The following WDR86 variants were observed in gnomAD, a reference collection of about 807,000 sequenced individuals.
WDR86 encodes the protein WD repeat-containing protein 86.
Under a neutral mutation model 36.5 loss-of-function variants are expected in WDR86, and 30 were observed. The ratio of observed to expected loss-of-function variants is 0.82; its 90% CI spans 0.61 to 1.11. The LOEUF (loss-of-function observed/expected upper bound fraction) is 1.11. Among genes scored for constraint, WDR86 ranks in the 50% most tolerant of loss-of-function variants. The pLI is 0.00. For synonymous variants in WDR86, 255 were observed against 252.9 expected (o/e 1.01, Z -0.08); for missense variants, 545 against 561.2 (o/e 0.97, Z 0.29).
chr7:151,391,825 G>A (rs1176230600), intron 3 of WDR86, among the ~76,000 whole-genome samples: 4 of 150,816 alleles, frequency 2.7e-5, no homozygotes, highest in Non-Finnish European at 5.9e-5. Context: ...CAAGTACAGG[G>A]GTGCGCCTCC....
Position 151,409,499 on chromosome 7 carries a change from G to C in WDR86, c.91C>G (p.Leu31Val). 6.5e-7 allele frequency: 1 copy of C among 1,533,500 alleles called. No individual in the cohort carries two copies. The highest frequency in any genetic ancestry group is 8.7e-7 in the Non-Finnish European group (1 of 1,145,956). 95.0% of individuals were successfully genotyped at this position (1,533,500 alleles called of 1,614,324 possible). The change falls in exon 1 of 6, where the codon CTG becomes GTG. Residue 31 changes from leucine to valine, a missense_variant. Coordinates refer to ENST00000334493, the MANE Select transcript of WDR86 (RefSeq NM_198285.3). This position sits in a 1 kb window ranked among gnomAD's most constrained non-coding sequence, Gnocchi z 5.2. ...GCCGTGCCGTCCTCGCTGCCCGTCA[G>C]CAGGCGCTGCCCGTCGGGGCTCAGG... Reference protein sequence around the residue: ...LSLSPDGQRLLTGSEDGTARL... With the variant: ...LSLSPDGQRLVTGSEDGTARL...
downstream of WDR86, among the ~76,000 whole-genome samples, chr7:151,371,824 A>G (rs979939518): frequency 2.0e-5 from 3 of 152,062 alleles, no homozygotes; most frequent in African/African-American, 7.2e-5. Flanking sequence ...GCTCACTGCA[A>G]CCTTGATCTC....
At position 151,409,331 on chromosome 7, in the gene WDR86, T is replaced by C; in HGVS notation, c.163+96A>G. ...GTGCCGGGATGAGCGGGGGCTGGACTTCTAGAAAGGGGTCTGCGGGCGCAG... is the reference window on the plus strand; with the variant it reads ...GTGCCGGGATGAGCGGGGGCTGGACCTCTAGAAAGGGGTCTGCGGGCGCAG... On this transcript the variant is annotated intron_variant, in intron 1 of 5. Transcript: ENST00000334493. This position sits in a 1 kb window ranked among gnomAD's most constrained non-coding sequence, Gnocchi z 5.2. 1 of 1,514,624 alleles carries C rather than the reference T, an allele frequency of 6.6e-7. No homozygotes were observed. Among genetic ancestry groups the C allele is most frequent in the South Asian group, 1.2e-5 (1 of 82,016 alleles). The allele number at this position is 1,514,624 out of a possible 1,614,324, so 93.8% of individuals were successfully genotyped here.
At chr7:151,386,061 C>G (rs1798957905) in intron 3 of WDR86, among the ~76,000 whole-genome samples, 1 of 152,114 alleles carries the variant, frequency 6.6e-6, no homozygotes, top group Admixed American at 6.5e-5. Context: ...GCTTCATGCC[C>G]CAGAGAGGCC....
chr7:151,385,309 G>T (rs758827946), intron 3 of WDR86, 86 bp from the exon 4 acceptor site: 6 of 1,571,856 alleles, frequency 3.8e-6, no homozygotes, highest in Admixed American at 1.7e-5. Context: ...GAAGGGGCAT[G>T]TGCAGGTCTC....
chr7:151,403,725 G>T (rs1800507111), intron 1 of WDR86, among the ~76,000 whole-genome samples: 1 of 152,224 alleles, frequency 6.6e-6, no homozygotes, highest in Admixed American at 6.5e-5. Flanking sequence ...CAAAACGCAG[G>T]CTAGATTTTT....
downstream of WDR86, chr7:151,376,546 T>G: frequency 1.6e-6 from 2 of 1,285,294 alleles, no homozygotes; most frequent in Non-Finnish European, 2.1e-6. Flanking sequence ...CTCTTAAACA[T>G]GAGAGTCGGC....
At chr7:151,402,675 G>A (rs1563065410) in intron 1 of WDR86, among the ~76,000 whole-genome samples, 1 of 152,200 alleles carries the variant, frequency 6.6e-6, no homozygotes, top group Non-Finnish European at 1.5e-5. Flanking sequence ...GACTGATGAG[G>A]CCGGGATGTG....
rs1013238018 is a variant in WDR86 at position 151,406,819 on chromosome 7, C to A, written c.163+2608G>T. 3.3e-5 allele frequency among the ~76,000 whole-genome samples: 5 copies of A among 152,178 alleles called. No individual in the cohort carries two copies. The highest frequency in any genetic ancestry group is 5.9e-5 in the Non-Finnish European group (4 of 68,036). ...CTCTGTGAACTGGTGTCAATCCCAC[C>A]CACCTCAGAGTTGTGAGGATTCATT... is the stretch of plus-strand genomic sequence containing the variant. On this transcript the variant is annotated intron_variant, in intron 1 of 5. Transcript: ENST00000334493. The surrounding 1 kb of genome is among the most constrained non-coding windows in gnomAD (Gnocchi z 4.4).
chr7:151,409,923 T>C lies in WDR86; in HGVS notation c.-334A>G. 9.2e-7 allele frequency: 1 copy of C among 1,083,446 alleles called. No individual in the cohort carries two copies. The highest frequency in any genetic ancestry group is 1.1e-6 in the Non-Finnish European group (1 of 893,598). 67.1% of individuals were successfully genotyped at this position (1,083,446 alleles called of 1,614,324 possible). On this transcript the variant is annotated 5_prime_UTR_variant, in exon 1 of 6. Coordinates refer to ENST00000334493, the MANE Select transcript of WDR86 (RefSeq NM_198285.3). The surrounding 1 kb of genome is among the most constrained non-coding windows in gnomAD (Gnocchi z 5.2). The stretch of plus-strand genomic sequence containing the variant: ...ACCGGGCGAACAAGGCAGCTGCGTC[T>C]CTGGTGCACAAGGAGCCCCCCGCCT...
intron 4 of WDR86, among the ~76,000 whole-genome samples, chr7:151,384,129 G>C (rs1377247645): frequency 6.6e-6 from 1 of 152,148 alleles, no homozygotes; most frequent in African/African-American, 2.4e-5. Flanking sequence ...TTGCTGTGAG[G>C]TCAACTTGAA....
chr7:151,381,378 G>A lies in WDR86; in HGVS notation c.*204C>T, dbSNP rs1798546838. ...GCCACCCTAAAAGGGAAAAGGGGGC[G>A]GTCCCCAGGGCGAGCACTCCCGCTC... On this transcript the variant is annotated 3_prime_UTR_variant, in exon 6 of 6. Transcript: ENST00000334493. The surrounding 1 kb of genome is among the most constrained non-coding windows in gnomAD (Gnocchi z 4.8). The A allele has an allele frequency of 2.1e-6, 3 of 1,445,060 alleles. No homozygotes were observed. The highest frequency in any genetic ancestry group is 1.8e-6 in the Non-Finnish European group (2 of 1,109,674). The allele number at this position is 1,445,060 out of a possible 1,614,324, so 89.5% of individuals were successfully genotyped here.
At chr7:151,380,151 C>T (rs1798482194), downstream of WDR86, among the ~76,000 whole-genome samples, 1 of 152,212 alleles carries the variant, frequency 6.6e-6, no homozygotes, top group Non-Finnish European at 1.5e-5. Flanking sequence ...TGCTTGCCTC[C>T]CAACAGGCCC....
chr7:151,402,070 A>AAAAATATATATATATATATATATATATAT, intron 1 of WDR86, among the ~76,000 whole-genome samples: 2 of 50,552 alleles, frequency 4.0e-5, no homozygotes, highest in African/African-American at 1.2e-4. Context: ...AAAAAAAAAA[A>AAAAATATATATATATATATATATATATAT]ATATATATAT....
chr7:151,389,482 C>T (rs1187102881), intron 3 of WDR86, among the ~76,000 whole-genome samples: 2 of 152,170 alleles, frequency 1.3e-5, no homozygotes, highest in Non-Finnish European at 2.9e-5. Flanking sequence ...CACACTTGGC[C>T]CACCAGGAAA....
At chr7:151,408,771 CTGAG>C (rs981272002) in intron 1 of WDR86, 8 of 406,626 alleles carry the variant, frequency 2.0e-5, no homozygotes, top group Non-Finnish European at 3.1e-5. Context: ...CACTGACCTC[CTGAG>C]TGAGTACAGG....
downstream of WDR86, among the ~76,000 whole-genome samples, chr7:151,380,717 T>A (rs2150736423): frequency 6.6e-6 from 1 of 152,154 alleles, no homozygotes; most frequent in Non-Finnish European, 1.5e-5. Flanking sequence ...GCATGTGTGT[T>A]GCGCCTTCCA....
At chr7:151,382,110 T>A (rs1281037980) in intron 4 of WDR86, 129 bp from the exon 5 acceptor site, 2 of 757,292 alleles carry the variant, frequency 2.6e-6, no homozygotes, top group East Asian at 5.4e-5. Context: ...GAGGCTCATA[T>A]GGGAAGTGGA....
Position 151,381,146 on chromosome 7 carries a change from T to G in WDR86, c.*436A>C, listed in dbSNP as rs527461801. 8.1e-7 allele frequency: 1 copy of G among 1,241,266 alleles called. No individual in the cohort carries two copies. The highest frequency in any genetic ancestry group is 4.2e-5 in the Admixed American group (1 of 23,742). The allele number at this position is 1,241,266 out of a possible 1,614,324, so 76.9% of individuals were successfully genotyped here. A position where few individuals can be genotyped will look rare whatever the true frequency, so the allele number is the denominator to read the frequency against. On this transcript the variant is annotated 3_prime_UTR_variant, in exon 6 of 6. Transcript: ENST00000334493. The surrounding 1 kb of genome is among the most constrained non-coding windows in gnomAD (Gnocchi z 4.8). ...CACTTTTAACGTTCAGGCTGTATATTTCAGTTCCCCCCAAGGCCCTCGAGA... is the reference window on the plus strand; with the variant it reads ...CACTTTTAACGTTCAGGCTGTATATGTCAGTTCCCCCCAAGGCCCTCGAGA...
Sources: gnomAD v4.1 joint callset for allele counts (sites outside exome capture counted in the v4.1 genomes callset) on GRCh38, gnomAD v4.1.1 for gene constraint, Gnocchi (gnomAD v3.1) non-coding constraint, MANE v1.5 for transcripts, NCBI Gene and HGNC (gene_info 2026-07-23, HGNC 2026-07-21) for gene names.